Variants in NRK observed in about 807,000 individuals in gnomAD.
The protein encoded by NRK is Nik related kinase.
In NRK, 67 loss-of-function variants were observed where a neutral mutation model predicts 125.2. The ratio of observed to expected loss-of-function variants is 0.54; its 90% CI spans 0.44 to 0.66. The LOEUF is 0.66. Ranked by LOEUF, NRK falls within the 30% of genes least tolerant of loss-of-function variation. The pLI is 0.00. For synonymous variants in NRK, 458 were observed against 429.0 expected (o/e 1.07, Z -0.84); for missense variants, 1,224 against 1,192.9 (o/e 1.03, Z -0.38).
rs1037167742 is a variant in NRK at position 105,852,625 on chromosome X, C to A, written c.123+21506C>A. ...GATTAAAGCACATATCAGATCTAAG[C>A]AGCAGGATTTGAACAAAGCCAAATG... On this transcript the variant is annotated intron_variant, in intron 2 of 28. Coordinates refer to ENST00000243300, the MANE Select transcript of NRK (RefSeq NM_198465.4). Among the ~76,000 whole-genome samples the A allele has an allele frequency of 2.7e-5, 3 of 111,474 alleles. No homozygotes were observed. In the East Asian group the frequency reaches 8.5e-4, roughly 32 times the overall value.
chrX:105,909,484 C>A lies in NRK; in HGVS notation c.1843C>A (p.Gln615Lys). The A allele has an allele frequency of 8.3e-7, 1 of 1,210,010 alleles. No individual in the cohort carries two copies. The highest frequency in any genetic ancestry group is 1.1e-6 in the Non-Finnish European group (1 of 894,419). ...DTQVLIPVEG[Q>K]TEGSPQAQAW... The stretch of plus-strand genomic sequence containing the variant: ...TCAGGTGCTCATTCCAGTAGAGGGG[C>A]AAACTGAAGGATCACCTCAGGCACA... The change falls in exon 13 of 29, where the codon CAA (glutamine) becomes AAA (lysine). Residue 615 changes from glutamine to lysine, a missense_variant. Physicochemically the swap from Gln to Lys is moderately conservative, Grantham distance 53 (BLOSUM62 1). Transcript: ENST00000243300.
At chrX:105,891,117 A>G (rs2040011429) in intron 5 of NRK, among the ~76,000 whole-genome samples, 1 of 112,048 alleles carries the variant, frequency 8.9e-6, no homozygotes, top group Non-Finnish European at 1.9e-5. Context: ...TTTGCAAAGT[A>G]TATGCGCTTA....
chrX:105,826,204 T>A (rs184560382), intron 1 of NRK, among the ~76,000 whole-genome samples: 1 of 89,289 alleles, frequency 1.1e-5, no homozygotes, highest in African/African-American at 4.3e-5. Context: ...TATATTATCA[T>A]ATATATAATA....
At chrX:105,886,756 C>T (rs979458258) in intron 4 of NRK, among the ~76,000 whole-genome samples, 5 of 103,183 alleles carry the variant, frequency 4.8e-5, no homozygotes, top group Admixed American at 4.3e-4. Flanking sequence ...AATAAATTAT[C>T]GAAAAAAATA....
intron 2 of NRK, among the ~76,000 whole-genome samples, chrX:105,842,021 C>T (rs964020310): frequency 3.6e-5 from 4 of 110,754 alleles, no homozygotes; most frequent in South Asian, 7.6e-4. Context: ...TTGCTTGGCC[C>T]GAGGTCTGTA....
Position 105,957,734 on chromosome X carries a change from G to A in NRK, c.*2134G>A, listed in dbSNP as rs780154192. ...AATAAAGAAAGGAAGCTGGGCACATGTCAAAAAGGGAGATCGAAATGTTAG... is the reference window on the plus strand; with the variant it reads ...AATAAAGAAAGGAAGCTGGGCACATATCAAAAAGGGAGATCGAAATGTTAG... On this transcript the variant is annotated 3_prime_UTR_variant, in exon 29 of 29. Coordinates refer to ENST00000243300, the MANE Select transcript of NRK (RefSeq NM_198465.4). 8.9e-6 allele frequency: 1 copy of A among 112,055 alleles called. No homozygotes were observed. Among genetic ancestry groups the A allele is most frequent in the Admixed American group, 9.5e-5 (1 of 10,529 alleles). The allele number at this position is 112,055 out of a possible 1,213,427, so 9.2% of individuals were successfully genotyped here. A position where few individuals can be genotyped will look rare whatever the true frequency, so the allele number is the denominator to read the frequency against.
At chrX:105,928,987 C>G (rs1443974960) in intron 19 of NRK, among the ~76,000 whole-genome samples, 1 of 111,589 alleles carries the variant, frequency 9.0e-6, no homozygotes, top group East Asian at 2.8e-4. Context: ...CTATAAATGT[C>G]TGTTAGGTTC....
intron 14 of NRK, among the ~76,000 whole-genome samples, chrX:105,914,433 T>C (rs769877379): frequency 3.1e-4 from 35 of 111,628 alleles, no homozygotes; most frequent in Non-Finnish European, 5.1e-4. Context: ...ATGAGCTGTG[T>C]CTGATTTGAA....
At chrX:105,862,626 A>G (rs1036448266) in intron 2 of NRK, among the ~76,000 whole-genome samples, 9 of 112,477 alleles carry the variant, frequency 8.0e-5, no homozygotes, top group African/African-American at 2.3e-4. Flanking sequence ...AATGGACAAC[A>G]AAATATTTTG....
intron 19 of NRK, among the ~76,000 whole-genome samples, chrX:105,933,182 A>G (rs1361420483): frequency 9.2e-6 from 1 of 108,847 alleles, no homozygotes; most frequent in Non-Finnish European, 1.9e-5. Flanking sequence ...CTATCTATCT[A>G]TCTATCTATC....
At chrX:105,868,537 G>A (rs962939652) in intron 2 of NRK, among the ~76,000 whole-genome samples, 4 of 111,097 alleles carry the variant, frequency 3.6e-5, no homozygotes, top group Admixed American at 9.6e-5. Flanking sequence ...ATATTGCCTC[G>A]CTAGATTTCA....
chrX:105,946,116 A>G, intron 25 of NRK, 101 bp downstream of exon 25: 2 of 875,952 alleles, frequency 2.3e-6, no homozygotes, highest in South Asian at 2.6e-5. Flanking sequence ...TTTTGAAGCT[A>G]TTGAACATAA....
In NRK at chrX:105,909,612, G is replaced by A. The variant is rs756417224; in HGVS notation, c.1971G>A (p.Lys657=). The part of the protein sequence containing the change: ...LLRAPNSNNS[K]PLGPLQTLME... ...GGGCACCAAACTCAAATAACTCAAAGCCACTTGGTCCGTTGCAAACCCTGA... is the reference window on the plus strand; with the variant it reads ...GGGCACCAAACTCAAATAACTCAAAACCACTTGGTCCGTTGCAAACCCTGA... Residue 657 remains lysine (K), a synonymous_variant, in exon 13 of 29, where the codon AAG becomes AAA. Coordinates refer to ENST00000243300, the MANE Select transcript of NRK (RefSeq NM_198465.4). 2.5e-5 allele frequency: 30 copies of A among 1,202,595 alleles called. No homozygotes were observed. The South Asian group carries it at 5.0e-4, about 20-fold the overall frequency.
Position 105,921,487 on chromosome X carries a change from A to G in NRK, c.2513-477A>G, listed in dbSNP as rs1444874740. Among the ~76,000 whole-genome samples, 3 of 109,634 alleles carry G rather than the reference A, an allele frequency of 2.7e-5. No homozygotes were observed. The East Asian group carries it at 8.6e-4, about 32-fold the overall frequency. On this transcript the variant is annotated intron_variant, in intron 16 of 28. Transcript: ENST00000243300. ...CCTAAAACTTAAAGTATAATTAAAA[A>G]AAAAAAAGATTGAAGAATGAACTCT...
rs748465297 is a variant in NRK, at chrX:105,923,126, T to C, written c.2619T>C (p.Asp873=). The C allele has an allele frequency of 1.7e-6, 2 of 1,197,254 alleles. No individual in the cohort carries two copies. The highest frequency in any genetic ancestry group is 1.8e-5 in the African/African-American group (1 of 56,861). ...QKLLVDIHVP[D]GFKVGKISPP... Reference sequence around the variant, plus strand: ...CTTTCTTGTGCACACAGGTTCCAGATGGATTTAAAGTAGGAAAAATATCAC... The same window carrying C: ...CTTTCTTGTGCACACAGGTTCCAGACGGATTTAAAGTAGGAAAAATATCAC... Residue 873 remains aspartate, a synonymous_variant, in exon 18 of 29, where the codon GAT becomes GAC. Transcript: ENST00000243300.
intron 2 of NRK, among the ~76,000 whole-genome samples, chrX:105,863,792 C>G (rs1374465517): frequency 1.8e-5 from 2 of 112,042 alleles, no homozygotes; most frequent in Non-Finnish European, 3.8e-5. Context: ...TAAGAGACTT[C>G]CATTTCTTAC....
chrX:105,829,473 C>G (rs1164549435), intron 1 of NRK, among the ~76,000 whole-genome samples: 1 of 112,084 alleles, frequency 8.9e-6, no homozygotes, highest in Non-Finnish European at 1.9e-5. Flanking sequence ...TGCCAATGTT[C>G]TTACCACTTT....
intron 1 of NRK, among the ~76,000 whole-genome samples, chrX:105,826,264 CATATATAATAT>C (rs1267035441): frequency 1.8e-4 from 12 of 67,447 alleles, no homozygotes; most frequent in African/African-American, 7.4e-4. Context: ...ATATATATTT[CATATATAATAT>C]ATATGAAATA....
chrX:105,838,575 C>T (rs757185302), intron 2 of NRK, among the ~76,000 whole-genome samples: 5 of 111,254 alleles, frequency 4.5e-5, no homozygotes, highest in Non-Finnish European at 9.4e-5. Context: ...TCAAGGCAAC[C>T]ATTTCAAGCA....
Sources: allele counts gnomAD v4.1 joint callset (sites outside exome capture counted in the v4.1 genomes callset), GRCh38; gene constraint gnomAD v4.1.1; transcripts MANE v1.5; gene names NCBI Gene and HGNC (gene_info 2026-07-23, HGNC 2026-07-21).